The following SLCO2A1 variants were observed in gnomAD, a reference collection of about 807,000 sequenced individuals.
The protein encoded by SLCO2A1 is matrin F/G 1.
A neutral mutation model predicts 71.7 loss-of-function variants in SLCO2A1; 60 were observed. The ratio of observed to expected loss-of-function variants is 0.84; its 90% CI spans 0.68 to 1.04. The LOEUF (loss-of-function observed/expected upper bound fraction) is 1.04, where lower values mean the gene tolerates loss of function less well. SLCO2A1 is among the 50% of genes least tolerant of loss of function. The probability of loss-of-function intolerance (pLI) is 0.00; values close to 1 mark genes in which losing one functional copy is unlikely to be tolerated. For missense variants in SLCO2A1, 745 were observed against 813.4 expected (o/e 0.92, Z 1.02); for synonymous variants, 308 against 326.7 (o/e 0.94, Z 0.62).
chr3:134,002,549 T>G (rs1935126948), intron 1 of SLCO2A1, among the ~76,000 whole-genome samples: 2 of 152,188 alleles, frequency 1.3e-5, no homozygotes, highest in Non-Finnish European at 2.9e-5. Context: ...CCTCAGTGAG[T>G]GCTGCATATG....
At chr3:133,944,503 G>C (rs1933513564) in intron 10 of SLCO2A1, among the ~76,000 whole-genome samples, 1 of 152,240 alleles carries the variant, frequency 6.6e-6, no homozygotes, top group Admixed American at 6.5e-5. Flanking sequence ...GGTTGCCCAA[G>C]TGGAAAGCTG....
chr3:133,941,161 C>T (rs1933410139), intron 11 of SLCO2A1, among the ~76,000 whole-genome samples: 1 of 152,162 alleles, frequency 6.6e-6, no homozygotes, highest in African/African-American at 2.4e-5. Context: ...CTTGATAGCT[C>T]ACTTATAAAT....
intron 1 of SLCO2A1, among the ~76,000 whole-genome samples, chr3:134,007,847 C>T (rs1045066087): frequency 7.9e-5 from 12 of 152,220 alleles, no homozygotes; most frequent in African/African-American, 2.7e-4. Flanking sequence ...CAACTGATGT[C>T]CTCATTGTTC....
At chr3:133,997,037 C>T (rs959959550) in intron 1 of SLCO2A1, among the ~76,000 whole-genome samples, 4 of 152,150 alleles carry the variant, frequency 2.6e-5, no homozygotes, top group Non-Finnish European at 5.9e-5. Context: ...AAGAGGGTCA[C>T]ATAACCGACT....
At chr3:133,969,833 T>C (rs530146394) in intron 3 of SLCO2A1, among the ~76,000 whole-genome samples, 2 of 152,214 alleles carry the variant, frequency 1.3e-5, no homozygotes, top group South Asian at 2.1e-4. Context: ...TTAAAGTCCA[T>C]ATGGAGTGGG....
At chr3:134,020,455 G>C (rs1001935203) in intron 1 of SLCO2A1, among the ~76,000 whole-genome samples, 3 of 152,216 alleles carry the variant, frequency 2.0e-5, no homozygotes, top group Non-Finnish European at 4.4e-5. Flanking sequence ...CCCAAGCAAC[G>C]CAGATCCTGA....
chr3:133,977,439 C>T (rs1286177878), intron 2 of SLCO2A1, among the ~76,000 whole-genome samples: 1 of 152,120 alleles, frequency 6.6e-6, no homozygotes, highest in Non-Finnish European at 1.5e-5. Flanking sequence ...TTGAGGAATC[C>T]AGTTGTTTCC....
chr3:133,940,460 C>T (rs1933389532), intron 11 of SLCO2A1, among the ~76,000 whole-genome samples: 1 of 152,202 alleles, frequency 6.6e-6, no homozygotes, highest in East Asian at 1.9e-4. Context: ...CTCTGTTCTT[C>T]ACGACCTCCT....
intron 1 of SLCO2A1, among the ~76,000 whole-genome samples, chr3:133,988,755 A>G (rs77406993): frequency 2.0e-5 from 3 of 152,152 alleles, no homozygotes; most frequent in Non-Finnish European, 2.9e-5. Context: ...CTGAAAGTCA[A>G]TTTGGCCTCA....
At position 133,934,152 on chromosome 3, in the gene SLCO2A1, G is replaced by T. The variant is rs370993959; in HGVS notation, c.*561C>A. 2 of 152,604 alleles carry T rather than the reference G, an allele frequency of 1.3e-5. No individual in the cohort carries two copies. Among genetic ancestry groups the T allele is most frequent in the South Asian group, 4.2e-4 (2 of 4,818 alleles). 9.5% of individuals were successfully genotyped at this position (152,604 alleles called of 1,614,324 possible). ...TAGGTACAGGAAGTGAGGGTCTGAG[G>T]GGGAGGGAGCCAGCCCCTCCCGTAG... On this transcript the variant is annotated 3_prime_UTR_variant, in exon 14 of 14. Coordinates refer to ENST00000310926, the MANE Select transcript of SLCO2A1 (RefSeq NM_005630.3).
At chr3:133,992,912 A>ATGTCATGAGTGTGGGTGC (rs1211213694) in intron 1 of SLCO2A1, among the ~76,000 whole-genome samples, 26 of 150,554 alleles carry the variant, frequency 1.7e-4, no homozygotes, top group Non-Finnish European at 2.9e-4. Context: ...AAGAGTTCAG[A>ATGTCATGAGTGTGGGTGC]TGTCATGAGT....
chr3:133,975,197 G>C (rs562529539), intron 2 of SLCO2A1, among the ~76,000 whole-genome samples: 1 of 152,236 alleles, frequency 6.6e-6, no homozygotes, highest in South Asian at 2.1e-4. Flanking sequence ...AAGTCCCACA[G>C]TCTCAGCTCA....
At position 134,023,701 on chromosome 3, in the gene SLCO2A1, G is replaced by A. The variant is rs570486228; in HGVS notation, c.96+6006C>T. Among the ~76,000 whole-genome samples the A allele has an allele frequency of 2.7e-3, 409 of 152,332 alleles. 7 individuals carry two copies. The highest frequency in any genetic ancestry group is 9.4e-3 in the African/African-American group (392 of 41,574). On this transcript the variant is annotated intron_variant, in intron 1 of 13. Coordinates refer to ENST00000310926, the MANE Select transcript of SLCO2A1 (RefSeq NM_005630.3). ...GACTTAAAACAAACTTTAGCAATTT[G>A]AGACAGGATACCAAGATGCAAATGC...
chr3:133,955,340 G>A (rs1933860821), intron 3 of SLCO2A1, 147 bp from the exon 4 acceptor site: 1 of 627,730 alleles, frequency 1.6e-6, no homozygotes, highest in Non-Finnish European at 2.8e-6. Context: ...TGGTTCCTGA[G>A]GACCGCGTCC....
chr3:134,022,496 T>G (rs145580911), intron 1 of SLCO2A1, among the ~76,000 whole-genome samples: 3,056 of 152,292 alleles, frequency 0.02, 83 homozygotes, highest in African/African-American at 0.062. Context: ...TGTAAACATA[T>G]TAGCTAAAGT....
chr3:133,935,242 G>A (rs1343575181), intron 13 of SLCO2A1, among the ~76,000 whole-genome samples: 1 of 152,144 alleles, frequency 6.6e-6, no homozygotes, highest in Non-Finnish European at 1.5e-5. Context: ...GTCCCCTCAA[G>A]CCCACCTTCC....
intron 1 of SLCO2A1, among the ~76,000 whole-genome samples, chr3:134,004,141 C>T (rs1297732706): frequency 1.3e-5 from 2 of 149,898 alleles, no homozygotes; most frequent in Non-Finnish European, 3.0e-5. Flanking sequence ...TGTGTATCTT[C>T]TACTGTCTCT....
chr3:134,023,153 C>CAAAA lies in SLCO2A1; in HGVS notation c.96+6550_96+6553dup, dbSNP rs1553759930. Among the ~76,000 whole-genome samples the CAAAA allele has an allele frequency of 3.2e-3, 227 of 71,114 alleles. 14 individuals are homozygous for CAAAA. Among genetic ancestry groups the CAAAA allele is most frequent in the East Asian group, 6.4e-3 (21 of 3,298 alleles). The allele number at this position is 71,114 out of a possible 152,430, so 46.7% of individuals were successfully genotyped here. A position where few individuals can be genotyped will look rare whatever the true frequency, so the allele number is the denominator to read the frequency against. ...ACAAACAAACAAACAAACAAACAAACAAAAGAATGGACTCATTACACCCGA... is the reference window on the plus strand; with the variant it reads ...ACAAACAAACAAACAAACAAACAAACAAAAAAAAGAATGGACTCATTACACCCGA... On this transcript the variant is annotated intron_variant, in intron 1 of 13. Transcript: ENST00000310926.
chr3:133,993,629 T>C (rs1934901653), intron 1 of SLCO2A1, among the ~76,000 whole-genome samples: 2 of 152,374 alleles, frequency 1.3e-5, no homozygotes, highest in South Asian at 4.1e-4. Context: ...ATTTCTTCTT[T>C]AGAAATTCTC....
Sources: allele counts gnomAD v4.1 joint callset (sites outside exome capture counted in the v4.1 genomes callset), GRCh38; gene constraint gnomAD v4.1.1; transcripts MANE v1.5; gene names NCBI Gene and HGNC (gene_info 2026-07-23, HGNC 2026-07-21).